The following LINGO2 variants were observed in gnomAD, a reference collection of about 807,000 sequenced individuals.
The protein encoded by LINGO2 is leucine rich repeat and Ig domain containing 2.
Under a neutral mutation model 30.6 loss-of-function variants are expected in LINGO2, and 14 were observed. That is an observed-to-expected ratio of 0.46 (90% confidence interval 0.30 to 0.72). The LOEUF is 0.72. Ranked by LOEUF, LINGO2 falls within the 30% of genes least tolerant of loss-of-function variation. The pLI is 0.07. For synonymous variants in LINGO2, 317 were observed against 288.5 expected, an observed-to-expected ratio of 1.10 and a Z score of -1.00; for missense variants, 729 against 751.7, an observed-to-expected ratio of 0.97 and a Z score of 0.35.
intron 1 of LINGO2, among the ~76,000 whole-genome samples, chr9:28,520,566 T>C (rs1820792444): frequency 6.6e-6 from 1 of 152,186 alleles, no homozygotes; most frequent in African/African-American, 2.4e-5. Flanking sequence ...CTTGTCTGTA[T>C]CACCCACTAG....
chr9:28,210,858 A>T (rs1199706150), intron 4 of LINGO2, among the ~76,000 whole-genome samples: 1 of 151,490 alleles, frequency 6.6e-6, no homozygotes, highest in Non-Finnish European at 1.5e-5. Context: ...TTTAAGGGCA[A>T]ATATCACATA....
the LINGO2 span, among the ~76,000 whole-genome samples, chr9:29,042,219 C>T: frequency 6.6e-6 from 1 of 151,812 alleles, no homozygotes; most frequent in East Asian, 1.9e-4. Flanking sequence ...ATAATATAGC[C>T]ACCCTTGTCT....
At chr9:28,080,662 G>A (rs772211341) in intron 4 of LINGO2, 1 of 152,082 alleles carries the variant, frequency 6.6e-6, no homozygotes, top group Admixed American at 6.6e-5. Flanking sequence ...ACAGAATAAT[G>A]GGGTCCTATC....
chr9:28,348,619 T>C (rs7469963), intron 3 of LINGO2, among the ~76,000 whole-genome samples: 1 of 152,090 alleles, frequency 6.6e-6, no homozygotes, highest in South Asian at 2.1e-4. Context: ...CAAAGCAGCC[T>C]GGAAGCTGGA....
chr9:28,640,151 C>T (rs1219914497), intron 1 of LINGO2, among the ~76,000 whole-genome samples: 1 of 152,064 alleles, frequency 6.6e-6, no homozygotes, highest in Non-Finnish European at 1.5e-5. Flanking sequence ...TAGTGGCCCC[C>T]ACTCTCTTCT....
chr9:28,543,613 T>A (rs1200618742), intron 1 of LINGO2, among the ~76,000 whole-genome samples: 5 of 152,050 alleles, frequency 3.3e-5, no homozygotes, highest in African/African-American at 1.2e-4. Flanking sequence ...GGTATATGAA[T>A]GTATAAAAAA....
intron 1 of LINGO2, among the ~76,000 whole-genome samples, 189 bp from the exon 4 acceptor site, chr9:28,476,214 T>C (rs1438297841): frequency 6.6e-6 from 1 of 152,230 alleles, no homozygotes; most frequent in African/African-American, 2.4e-5. Flanking sequence ...TTAAGAATAT[T>C]GTTATGTTTA....
chr9:28,267,544 C>T (rs533080197), intron 4 of LINGO2, among the ~76,000 whole-genome samples: 1 of 152,042 alleles, frequency 6.6e-6, no homozygotes, highest in East Asian at 1.9e-4. Flanking sequence ...ACATGTATTG[C>T]CCTCTACACA....
In LINGO2 at chr9:28,535,726, G is replaced by GCGCA. The variant is rs146900147; in HGVS notation, c.-364-59702_-364-59701insTGCG. Among the ~76,000 whole-genome samples the GCGCA allele has an allele frequency of 1.1e-4, 17 of 149,964 alleles. No homozygotes were observed. In the South Asian group the frequency reaches 3.4e-3, roughly 30 times the overall value. Reference sequence around the variant, plus strand: ...TGCACACACACACACACGTGTGGACGCACACACACACACACACACGGAGCT... The same window carrying GCGCA: ...TGCACACACACACACACGTGTGGACGCGCACACACACACACACACACACGGAGCT... On this transcript the variant is annotated intron_variant, in intron 1 of 5. Coordinates refer to ENST00000379992, the Ensembl canonical transcript of LINGO2.
intron 1 of LINGO2, among the ~76,000 whole-genome samples, chr9:28,636,034 C>A (rs550999437): frequency 6.6e-6 from 1 of 152,130 alleles, no homozygotes; most frequent in East Asian, 1.9e-4. Context: ...TCCAAGTGTT[C>A]TCATTGTTCA....
At chr9:28,135,428 A>G (rs1563994818) in intron 4 of LINGO2, among the ~76,000 whole-genome samples, 1 of 152,014 alleles carries the variant, frequency 6.6e-6, no homozygotes, top group Non-Finnish European at 1.5e-5. Context: ...ATGGAAACTG[A>G]CTCAGACAAC....
chr9:28,162,932 T>C (rs1244739375), intron 4 of LINGO2, among the ~76,000 whole-genome samples: 1 of 152,176 alleles, frequency 6.6e-6, no homozygotes, highest in Non-Finnish European at 1.5e-5. Context: ...AGAAGTCTGA[T>C]ACTAACTTTT....
intron 2 of LINGO2, among the ~76,000 whole-genome samples, chr9:28,394,624 T>A (rs1011965354): frequency 6.6e-6 from 1 of 152,208 alleles, no homozygotes; most frequent in Non-Finnish European, 1.5e-5. Context: ...TCCCTTGATG[T>A]CTTTTGTTTT....
the LINGO2 span, among the ~76,000 whole-genome samples, chr9:28,986,135 G>A: frequency 6.6e-6 from 1 of 151,634 alleles, no homozygotes. Context: ...TTTATGTGTT[G>A]TACACACCTT....
chr9:28,790,321 C>CTTTA, the LINGO2 span, among the ~76,000 whole-genome samples: 1 of 116,288 alleles, frequency 8.6e-6, no homozygotes, highest in African/African-American at 3.5e-5. Flanking sequence ...CTTTTCTTTT[C>CTTTA]TTTCTTTTTT....
chr9:28,569,962 A>G (rs1334561101), intron 1 of LINGO2, among the ~76,000 whole-genome samples: 1 of 152,006 alleles, frequency 6.6e-6, no homozygotes, highest in Non-Finnish European at 1.5e-5. Flanking sequence ...AAATACAATA[A>G]TAAACATAAA....
At chr9:28,890,010 G>C in the LINGO2 span, among the ~76,000 whole-genome samples, 111 of 152,130 alleles carry the variant, frequency 7.3e-4, no homozygotes, top group African/African-American at 2.5e-3. Context: ...CAGGGTCTCT[G>C]TCCATAAAGG....
At chr9:28,626,133 T>C (rs889087094) in intron 1 of LINGO2, among the ~76,000 whole-genome samples, 1 of 152,158 alleles carries the variant, frequency 6.6e-6, no homozygotes, top group East Asian at 1.9e-4. Flanking sequence ...TTGCACAGTT[T>C]TATCTCACTG....
chr9:29,124,814 G>A, the LINGO2 span, among the ~76,000 whole-genome samples: 1 of 152,158 alleles, frequency 6.6e-6, no homozygotes, highest in Non-Finnish European at 1.5e-5. Flanking sequence ...CTGTTTTTGG[G>A]AGAGTAAATT....
Sources: allele counts gnomAD v4.1 joint callset (sites outside exome capture counted in the v4.1 genomes callset), GRCh38; gene constraint gnomAD v4.1.1; transcripts MANE v1.5; gene names NCBI Gene and HGNC (gene_info 2026-07-23, HGNC 2026-07-21).